The following ATP11A variants were observed in gnomAD, a reference collection of about 807,000 sequenced individuals.
The protein encoded by ATP11A is phospholipid-transporting ATPase IH.
In ATP11A, 81 loss-of-function variants were observed where a neutral mutation model predicts 154.4. That is an observed-to-expected ratio of 0.52 (90% confidence interval 0.44 to 0.63). ATP11A has a LOEUF of 0.63. Among genes scored for constraint, ATP11A ranks in the 30% least tolerant of loss-of-function variants. The pLI, the probability that ATP11A is intolerant of heterozygous loss-of-function variation, is 0.00. For synonymous variants in ATP11A, 623 were observed against 585.9 expected (o/e 1.06, Z -0.91); for missense variants, 1,316 against 1,474.3 (o/e 0.89, Z 1.76).
At chr13:112,739,165 CA>C (rs1891288051) in intron 1 of ATP11A, among the ~76,000 whole-genome samples, 1 of 152,074 alleles carries the variant, frequency 6.6e-6, no homozygotes, top group Admixed American at 6.5e-5. Flanking sequence ...CAAAGGACAC[CA>C]TTACGAAAGT....
intron 1 of ATP11A, among the ~76,000 whole-genome samples, chr13:112,745,016 G>C (rs1009387411): frequency 1.3e-5 from 2 of 152,216 alleles, no homozygotes; most frequent in African/African-American, 4.8e-5. Context: ...TTGGGCACTG[G>C]ATAGCTAAGA....
chr13:112,740,839 G>A lies in ATP11A; in HGVS notation c.40-44296G>A, dbSNP rs150196070. Among the ~76,000 whole-genome samples the A allele has an allele frequency of 5.4e-3, 828 of 152,314 alleles. 7 individuals are homozygous for A. The highest frequency in any genetic ancestry group is 0.018 in the African/African-American group (743 of 41,582). Reference sequence around the variant, plus strand: ...ATCTAGCTGTTTTGTTGCAGAAGGCGCTCGCCATCAGGGTCCCGGGTCGTT... The same window carrying A: ...ATCTAGCTGTTTTGTTGCAGAAGGCACTCGCCATCAGGGTCCCGGGTCGTT... On this transcript the variant is annotated intron_variant, in intron 1 of 29. Coordinates refer to ENST00000375645, the MANE Select transcript of ATP11A (RefSeq NM_015205.3).
intron 3 of ATP11A, among the ~76,000 whole-genome samples, chr13:112,805,265 T>C (rs1044772102): frequency 1.3e-5 from 2 of 152,234 alleles, no homozygotes; most frequent in Non-Finnish European, 2.9e-5. Context: ...TTTAAGTTGG[T>C]GACAGCCTTT....
chr13:112,847,145 C>T (rs549531196), intron 17 of ATP11A, among the ~76,000 whole-genome samples: 1 of 152,296 alleles, frequency 6.6e-6, no homozygotes, highest in African/African-American at 2.4e-5. Context: ...GGAAGCTCTC[C>T]GGGTAGTGAG....
intron 29 of ATP11A, chr13:112,881,459 G>A (rs888039001): frequency 1.9e-6 from 2 of 1,073,172 alleles, no homozygotes; most frequent in East Asian, 1.6e-4. Flanking sequence ...TGGCGTTCGA[G>A]CTCACTGCAC....
intron 1 of ATP11A, among the ~76,000 whole-genome samples, chr13:112,699,148 ATTTG>A (rs1334687763): frequency 6.6e-6 from 1 of 152,198 alleles, no homozygotes; most frequent in Non-Finnish European, 1.5e-5. Context: ...ACATTCAGAA[ATTTG>A]TTAGTGACAT....
chr13:112,694,684 A>G (rs1056731152), intron 1 of ATP11A, among the ~76,000 whole-genome samples: 1 of 152,116 alleles, frequency 6.6e-6, no homozygotes, highest in African/African-American at 2.4e-5. Context: ...TTCAGCCCAG[A>G]TATTCCTTGT....
intron 4 of ATP11A, among the ~76,000 whole-genome samples, chr13:112,806,872 C>T (rs546180465): frequency 2.0e-5 from 3 of 152,302 alleles, no homozygotes; most frequent in African/African-American, 7.2e-5. Flanking sequence ...CTAAACATTT[C>T]GTACTCACGG....
intron 1 of ATP11A, among the ~76,000 whole-genome samples, chr13:112,768,006 C>T (rs974008712): frequency 9.2e-5 from 14 of 152,206 alleles, no homozygotes; most frequent in Admixed American, 3.9e-4. Flanking sequence ...TCTGGCCTGG[C>T]TTGGTGGTGG....
rs1410466834 is a variant in ATP11A, at chr13:112,875,953, C to A, written c.3327+12C>A. ...CAGAGAGAGTCCAGGTACGGAGTGTCCCCAGCCGGGGCGGGGGTGCCTCAG... is the reference window on the plus strand; with the variant it reads ...CAGAGAGAGTCCAGGTACGGAGTGTACCCAGCCGGGGCGGGGGTGCCTCAG... On this transcript the variant is annotated intron_variant, in intron 28 of 29. Transcript: ENST00000375645. This position sits in a 1 kb window ranked among gnomAD's most constrained non-coding sequence, Gnocchi z 4.1. 1.9e-6 allele frequency: 3 copies of A among 1,601,350 alleles called. No individual in the cohort carries two copies. Among genetic ancestry groups the A allele is most frequent in the Non-Finnish European group, 2.6e-6 (3 of 1,174,674 alleles).
Position 112,819,134 on chromosome 13 carries a change from G to T in ATP11A, c.571-170G>T, listed in dbSNP as rs564473255. On this transcript the variant is annotated intron_variant, in intron 6 of 29. Transcript: ENST00000375645. ...AGAATGGAAGGATGAGAATTTTCTG[G>T]CACCTGATAGGTGCAGGAATAACAG... Among the ~76,000 whole-genome samples the T allele has an allele frequency of 5.3e-5, 8 of 152,180 alleles. No homozygotes were observed. In the South Asian group the frequency reaches 1.7e-3, roughly 32 times the overall value.
At chr13:112,824,550 C>T in intron 10 of ATP11A, 125 bp downstream of exon 10, 1 of 787,442 alleles carries the variant, frequency 1.3e-6, no homozygotes, top group Non-Finnish European at 2.1e-6. Flanking sequence ...TTAGTAACTG[C>T]AGAGCTGACC....
At position 112,862,509 on chromosome 13, in the gene ATP11A, C is replaced by A. The variant is rs151314075; in HGVS notation, c.2925C>A (p.Asp975Glu). Residue 975 changes from aspartate to glutamate, a missense_variant, in exon 25 of 30, where the codon GAC becomes GAA. By Grantham distance (45) the Asp-to-Glu change is conservative. Around this residue, in one of 5 missense-constraint regions of ATP11A, gnomAD observed 294 missense variants for 290.2 expected, o/e 1.01. Transcript: ENST00000375645. ...ACTGGACGCTCCTGGGACTGTTTGA[C>A]GCACTGGTGTTCTTCTTTGGTGCTT... is the stretch of plus-strand genomic sequence containing the variant. ...FIYWTLLGLF[D>E]ALVFFFGAYF... The A allele has an allele frequency of 6.2e-7, 1 of 1,614,176 alleles. No homozygotes were observed. Among genetic ancestry groups the A allele is most frequent in the Non-Finnish European group, 8.5e-7 (1 of 1,180,000 alleles).
At chr13:112,841,007 C>T (rs2079398348) in intron 16 of ATP11A, among the ~76,000 whole-genome samples, 3 of 152,262 alleles carry the variant, frequency 2.0e-5, no homozygotes, top group African/African-American at 4.8e-5. Flanking sequence ...GAGCTTCCTA[C>T]GCGTGCCGCT....
intron 1 of ATP11A, among the ~76,000 whole-genome samples, chr13:112,763,091 A>G (rs977578802): frequency 1.3e-5 from 2 of 152,266 alleles, no homozygotes; most frequent in African/African-American, 2.4e-5. Flanking sequence ...GGAGTTGAGT[A>G]TAAAGATCTT....
At chr13:112,741,033 T>TA (rs965026054) in intron 1 of ATP11A, among the ~76,000 whole-genome samples, 7 of 152,264 alleles carry the variant, frequency 4.6e-5, no homozygotes, top group Admixed American at 3.3e-4. Context: ...CTGAATCACT[T>TA]ACATGGGCCT....
intron 1 of ATP11A, among the ~76,000 whole-genome samples, chr13:112,748,768 T>C (rs1295021256): frequency 6.6e-6 from 1 of 152,156 alleles, no homozygotes; most frequent in African/African-American, 2.4e-5. Context: ...GTAAAAAATG[T>C]TTTAAAACCA....
intron 1 of ATP11A, among the ~76,000 whole-genome samples, chr13:112,707,848 A>G (rs1220949867): frequency 6.6e-6 from 1 of 152,172 alleles, no homozygotes; most frequent in African/African-American, 2.4e-5. Context: ...ACTTGCACCA[A>G]AAAAAGGTCC....
At chr13:112,734,240 G>T (rs1487110955) in intron 1 of ATP11A, among the ~76,000 whole-genome samples, 2 of 152,082 alleles carry the variant, frequency 1.3e-5, no homozygotes, top group African/African-American at 4.8e-5. Flanking sequence ...TCCCCTGCTT[G>T]GCTTTTAATT....
Sources: gnomAD v4.1 joint callset for allele counts (sites outside exome capture counted in the v4.1 genomes callset) on GRCh38, gnomAD v4.1.1 for gene constraint, gnomAD v4.1.1 regional missense constraint, Gnocchi (gnomAD v3.1) non-coding constraint, MANE v1.5 for transcripts, NCBI Gene and HGNC (gene_info 2026-07-23, HGNC 2026-07-21) for gene names.